The following COL14A1 variants were observed in gnomAD, a reference collection of about 807,000 sequenced individuals.
COL14A1 encodes the protein collagen alpha-1(XIV) chain.
Under a neutral mutation model 230.3 loss-of-function variants are expected in COL14A1, and 136 were observed. The ratio of observed to expected loss-of-function variants is 0.59; its 90% confidence interval spans 0.51 to 0.68. The LOEUF (loss-of-function observed/expected upper bound fraction) is 0.68, where lower values mean the gene tolerates loss of function less well. COL14A1 is among the 30% of genes least tolerant of loss of function. The pLI, the probability that COL14A1 is intolerant of heterozygous loss-of-function variation, is 0.00. For missense variants in COL14A1, 1,976 were observed against 2,215.8 expected (o/e 0.89, Z 2.17); for synonymous variants, 792 against 784.1 (o/e 1.01, Z -0.17).
intron 39 of COL14A1, 23 bp from the exon 40 acceptor site, chr8:120,315,921 T>G (rs1179006749): frequency 1.6e-5 from 25 of 1,612,478 alleles, no homozygotes; most frequent in Non-Finnish European, 2.1e-5. Context: ...AACCTGACTC[T>G]TTTTTGTCCC....
chr8:120,201,837 G>A (rs1817259777), intron 8 of COL14A1, among the ~76,000 whole-genome samples: 1 of 152,138 alleles, frequency 6.6e-6, no homozygotes, highest in South Asian at 2.1e-4. Context: ...TTCCTCCAAA[G>A]TCGTGATGAC....
At chr8:120,189,687 A>G (rs1306414674) in intron 5 of COL14A1, among the ~76,000 whole-genome samples, 1 of 127,948 alleles carries the variant, frequency 7.8e-6, no homozygotes, top group Non-Finnish European at 1.6e-5. Context: ...TCCTGTGTCC[A>G]TGTGTTCTCA....
At chr8:120,301,061 G>T (rs573759063) in intron 36 of COL14A1, among the ~76,000 whole-genome samples, 1 of 152,096 alleles carries the variant, frequency 6.6e-6, no homozygotes, top group African/African-American at 2.4e-5. Flanking sequence ...TGTGTCATAC[G>T]ATGTCTCATA....
At chr8:120,303,058 G>C (rs1049067545) in intron 36 of COL14A1, among the ~76,000 whole-genome samples, 2 of 152,092 alleles carry the variant, frequency 1.3e-5, no homozygotes, top group Non-Finnish European at 2.9e-5. Context: ...TTGGTGTATA[G>C]GGATGTTAGT....
intron 19 of COL14A1, among the ~76,000 whole-genome samples, chr8:120,233,142 A>G (rs1404701431): frequency 1.3e-5 from 2 of 152,082 alleles, no homozygotes; most frequent in African/African-American, 2.4e-5. Flanking sequence ...AATTGGTTTA[A>G]GTTCCTTGTA....
chr8:120,321,807 G>A (rs1219375866), intron 40 of COL14A1, among the ~76,000 whole-genome samples: 2 of 152,122 alleles, frequency 1.3e-5, no homozygotes, highest in Non-Finnish European at 2.9e-5. Flanking sequence ...TCATCAGGTT[G>A]TTGTTTTGTG....
Position 120,316,800 on chromosome 8 carries a change from G to A in COL14A1, c.4659+803G>A, listed in dbSNP as rs145662122. Among the ~76,000 whole-genome samples, 1,449 of 152,078 alleles carry A rather than the reference G, an allele frequency of 9.5e-3. 15 individuals carry two copies. Among genetic ancestry groups the A allele is most frequent in the Non-Finnish European group, 0.014 (923 of 68,006 alleles). On this transcript the variant is annotated intron_variant, in intron 40 of 47. Transcript: ENST00000297848. Reference sequence around the variant, plus strand: ...GCAGAGGAAAGAGCATATACAAAGAGGTAGAGGCAAGGGAAGGTGGAGCAT... The same window carrying A: ...GCAGAGGAAAGAGCATATACAAAGAAGTAGAGGCAAGGGAAGGTGGAGCAT...
chr8:120,298,946 C>T (rs1166677972), intron 35 of COL14A1, among the ~76,000 whole-genome samples: 2 of 151,822 alleles, frequency 1.3e-5, no homozygotes, highest in African/African-American at 4.8e-5. Flanking sequence ...ACACTTCCTT[C>T]TTCAGAAGGT....
In COL14A1 at chr8:120,279,346, G is replaced by GTA. The variant is rs550467972; in HGVS notation, c.3482-575_3482-574dup. Among the ~76,000 whole-genome samples the GTA allele has an allele frequency of 7.0e-3, 1,051 of 151,018 alleles. 14 individuals are homozygous for GTA. Among genetic ancestry groups the GTA allele is most frequent in the African/African-American group, 0.023 (951 of 41,346 alleles). ...AAAAAAGAAAAAATATTGATTGAAT[G>GTA]TATATATATATATATGGACCAGGGA... On this transcript the variant is annotated intron_variant, in intron 28 of 47. Transcript: ENST00000297848.
At chr8:120,325,064 G>A (rs964807274) in intron 40 of COL14A1, among the ~76,000 whole-genome samples, 6 of 152,146 alleles carry the variant, frequency 3.9e-5, no homozygotes, top group African/African-American at 1.4e-4. Flanking sequence ...TAACAACATG[G>A]TTTGCCAATT....
At chr8:120,148,823 G>A (rs1815179625) in intron 2 of COL14A1, among the ~76,000 whole-genome samples, 1 of 152,168 alleles carries the variant, frequency 6.6e-6, no homozygotes, top group South Asian at 2.1e-4. Flanking sequence ...TTCCTGGGAT[G>A]GGAACTTTTA....
intron 1 of COL14A1, among the ~76,000 whole-genome samples, chr8:120,142,098 G>A (rs1405449569): frequency 1.3e-5 from 2 of 151,948 alleles, no homozygotes; most frequent in Non-Finnish European, 2.9e-5. Flanking sequence ...AAAGACAAAC[G>A]TGGCCTGTTT....
intron 18 of COL14A1, among the ~76,000 whole-genome samples, chr8:120,229,045 G>A (rs989505302): frequency 6.6e-5 from 10 of 150,694 alleles, no homozygotes; most frequent in Admixed American, 5.3e-4. Flanking sequence ...GGATGTTAAC[G>A]TAGCTGCCTC....
intron 42 of COL14A1, among the ~76,000 whole-genome samples, chr8:120,337,372 G>T (rs1295136764): frequency 1.4e-5 from 2 of 147,080 alleles, no homozygotes; most frequent in Non-Finnish European, 3.0e-5. Context: ...CTCCAGCCTG[G>T]GCGACAAAGC....
At chr8:120,268,021 T>C (rs1819547920) in intron 25 of COL14A1, among the ~76,000 whole-genome samples, 1 of 151,954 alleles carries the variant, frequency 6.6e-6, no homozygotes, top group Non-Finnish European at 1.5e-5. Flanking sequence ...TTAAAGCCAG[T>C]AGATTCAAAT....
chr8:120,149,390 C>T (rs1238290350), intron 2 of COL14A1, among the ~76,000 whole-genome samples: 2 of 152,170 alleles, frequency 1.3e-5, no homozygotes, highest in African/African-American at 4.8e-5. Context: ...ATTGAACACA[C>T]AGCAGGCAGT....
chr8:120,241,401 G>C (rs1270451687), intron 19 of COL14A1, among the ~76,000 whole-genome samples: 1 of 152,144 alleles, frequency 6.6e-6, no homozygotes, highest in Non-Finnish European at 1.5e-5. Context: ...TCTTTCTACT[G>C]CAGGAACAGC....
At chr8:120,204,384 T>A (rs1410039224) in intron 9 of COL14A1, among the ~76,000 whole-genome samples, 1 of 152,150 alleles carries the variant, frequency 6.6e-6, no homozygotes, top group Non-Finnish European at 1.5e-5. Flanking sequence ...TCTCCAATAT[T>A]TTTCATGTCA....
intron 12 of COL14A1, 102 bp downstream of exon 12, chr8:120,210,003 G>T: frequency 1.0e-6 from 1 of 1,001,438 alleles, no homozygotes. Flanking sequence ...AGAAATTTCA[G>T]ATTAGCCAAA....
Sources: allele counts gnomAD v4.1 joint callset (sites outside exome capture counted in the v4.1 genomes callset), GRCh38; gene constraint gnomAD v4.1.1; transcripts MANE v1.5; gene names NCBI Gene and HGNC (gene_info 2026-07-23, HGNC 2026-07-21).